Variants in USP43 observed in about 807,000 individuals in gnomAD.
USP43 encodes ubiquitin carboxyl-terminal hydrolase 43.
A neutral mutation model predicts 90.7 loss-of-function variants in USP43; 33 were observed. The ratio of observed to expected loss-of-function variants is 0.36; its 90% CI spans 0.28 to 0.49. The LOEUF (loss-of-function observed/expected upper bound fraction) is 0.49, where lower values mean the gene tolerates loss of function less well. Among genes scored for constraint, USP43 ranks in the 20% least tolerant of loss-of-function variants. The pLI is 0.98. For synonymous variants in USP43, 598 were observed against 615.8 expected (o/e 0.97, Z 0.43); for missense variants, 1,274 against 1,476.4 (o/e 0.86, Z 2.25).
chr17:9,710,087 C>A lies in USP43; in HGVS notation c.2143C>A (p.Pro715Thr). ...CTATCAGAAGCGGAACAGCATCCCT[C>A]CCTGGTCAGCCAGCAGCTCCATGAG... ...LFYQKRNSIP[P>T]WSASSSMRGS... The change falls in exon 13 of 15, where the codon CCC becomes ACC. Residue 715 changes from proline (P) to threonine (T), a missense_variant. By Grantham distance (38) the Pro-to-Thr change is conservative. This residue lies in a region of USP43 where 285 missense variants were observed against 349.6 expected (regional missense o/e 0.82). Coordinates refer to ENST00000285199, the MANE Select transcript of USP43 (RefSeq NM_153210.5). The A allele has an allele frequency of 1.3e-6, 2 of 1,532,090 alleles. No individual in the cohort carries two copies. Among genetic ancestry groups the A allele is most frequent in the East Asian group, 2.5e-5 (1 of 40,148 alleles). 94.9% of individuals were successfully genotyped at this position (1,532,090 alleles called of 1,614,324 possible). A position where few individuals can be genotyped will look rare whatever the true frequency, so the allele number is the denominator to read the frequency against.
At chr17:9,692,084 C>T (rs377169599) in intron 8 of USP43, among the ~76,000 whole-genome samples, 15 of 138,362 alleles carry the variant, frequency 1.1e-4, no homozygotes, top group Middle Eastern at 6.8e-3. Flanking sequence ...GTAGGCTGGA[C>T]GTGGTGGCTC....
chr17:9,646,826 A>G (rs938945912), intron 1 of USP43, among the ~76,000 whole-genome samples: 3 of 152,126 alleles, frequency 2.0e-5, no homozygotes, highest in South Asian at 2.1e-4. Flanking sequence ...TGAGCGTGCT[A>G]TTTTGGAGAT....
chr17:9,680,120 A>G, intron 5 of USP43, 111 bp from the exon 6 acceptor site: 2 of 1,227,538 alleles, frequency 1.6e-6, no homozygotes, highest in Non-Finnish European at 1.1e-6. Flanking sequence ...TAAGTAGCCA[A>G]TTGGAAGGAA....
intron 8 of USP43, among the ~76,000 whole-genome samples, chr17:9,687,957 T>A (rs1033224808): frequency 6.6e-6 from 1 of 152,208 alleles, no homozygotes; most frequent in Admixed American, 6.5e-5. Context: ...CTACTGATTA[T>A]CGCAATGGAT....
At chr17:9,710,287 G>C (rs67414899) in intron 13 of USP43, among the ~76,000 whole-genome samples, 173 bp downstream of exon 13, 21,004 of 152,052 alleles carry the variant, frequency 0.14, 1,511 homozygotes, top group African/African-American at 0.19. Flanking sequence ...CATTTACCAG[G>C]GTGTGGGATG....
chr17:9,700,894 T>C (rs889086336), intron 10 of USP43, among the ~76,000 whole-genome samples: 2 of 152,132 alleles, frequency 1.3e-5, no homozygotes, highest in East Asian at 3.8e-4. Context: ...CAAAGATGAA[T>C]AAGCCAAGGA....
rs763845413 is a variant in USP43 at position 9,676,782 on chromosome 17, C to G, written c.870C>G (p.Ser290Arg). Residue 290 changes from serine to arginine, a missense_variant, in exon 5 of 15, where the codon AGC becomes AGG. Physicochemically the swap from Ser to Arg is moderately radical, Grantham distance 110. Around this residue, in one of 6 missense-constraint regions of USP43, gnomAD observed 259 missense variants for 373.7 expected, o/e 0.69. Coordinates refer to ENST00000285199, the MANE Select transcript of USP43 (RefSeq NM_153210.5). ...TCACCTTGGTCTTCCCCTCTAAGAG[C>G]CAGCGGTTCCTGCGGGTTGGCCTGG... ...LSVTLVFPSK[S>R]QRFLRVGLAV... is the part of the protein sequence containing the mutation. The G allele has an allele frequency of 1.2e-6, 2 of 1,613,948 alleles. No individual in the cohort carries two copies. The highest frequency in any genetic ancestry group is 1.7e-5 in the Admixed American group (1 of 60,012).
Position 9,712,041 on chromosome 17 carries a change from C to G in USP43, c.2244C>G (p.Ser748Arg), listed in dbSNP as rs377597623. ...LGSHAGSTRG[S>R]LLSWSSAPCP... is the part of the protein sequence containing the mutation. ...GCCACGCTGGCAGCACAAGGGGAAG[C>G]CTGCTGTCCTGGAGCTCTGCCCCCT... is the stretch of plus-strand genomic sequence containing the variant. The change falls in exon 14 of 15, where the codon AGC (serine) becomes AGG (arginine). Residue 748 changes from serine (S) to arginine (R), a missense_variant. Coordinates refer to ENST00000285199, the MANE Select transcript of USP43 (RefSeq NM_153210.5). 1.9e-6 allele frequency: 3 copies of G among 1,612,650 alleles called. No homozygotes were observed. The highest frequency in any genetic ancestry group is 2.7e-5 in the African/African-American group (2 of 75,006).
At chr17:9,689,490 C>T (rs1417342819) in intron 8 of USP43, among the ~76,000 whole-genome samples, 1 of 151,918 alleles carries the variant, frequency 6.6e-6, no homozygotes, top group African/African-American at 2.4e-5. Flanking sequence ...TAGCTCACTG[C>T]AGCCTTGAAC....
rs1281697973 is a variant in USP43 at position 9,646,138 on chromosome 17, T to A, written c.504+2T>A. 1 of 1,429,260 alleles carries A rather than the reference T, an allele frequency of 7.0e-7. No individual in the cohort carries two copies. Among genetic ancestry groups the A allele is most frequent in the Admixed American group, 3.1e-5 (1 of 32,554 alleles). 88.5% of individuals were successfully genotyped at this position (1,429,260 alleles called of 1,614,324 possible). A position where few individuals can be genotyped will look rare whatever the true frequency, so the allele number is the denominator to read the frequency against. On this transcript the variant is annotated splice_donor_variant, in intron 1 of 14. Coordinates refer to ENST00000285199, the MANE Select transcript of USP43 (RefSeq NM_153210.5). LOFTEE classifies it high-confidence loss of function. ...CCCCAACTTTCCGCGGAGTTCAAGG[T>A]AGGCAGCGCTGCGCCGCCGACCGCC...
rs1915711990 is a variant in USP43 at position 9,703,758 on chromosome 17, A to G, written c.2011+2058A>G. ...GAAGACAATTTGCACTGCCAGTTAAATGGCAGAGTCTGGGCTTCAAACCTG... is the reference window on the plus strand; with the variant it reads ...GAAGACAATTTGCACTGCCAGTTAAGTGGCAGAGTCTGGGCTTCAAACCTG... On this transcript the variant is annotated intron_variant, in intron 12 of 14. Transcript: ENST00000285199. Among the ~76,000 whole-genome samples, 3 of 152,182 alleles carry G rather than the reference A, an allele frequency of 2.0e-5. No individual in the cohort carries two copies. In the South Asian group the frequency reaches 6.2e-4, roughly 32 times the overall value.
In USP43 at chr17:9,666,690, C is replaced by G. The variant is rs1450826326; in HGVS notation, c.679C>G (p.Pro227Ala). ...ATKTSENCLS[P>A]SAQLPLGQSF... ...TAAAACCTCTGAGAACTGCCTGTCA[C>G]CATCAGCTCAGCTTCCTCTAGGTCA... The change falls in exon 3 of 15, where the codon CCA becomes GCA. Residue 227 changes from proline (P) to alanine (A), a missense_variant. Around this residue, in one of 6 missense-constraint regions of USP43, gnomAD observed 259 missense variants for 373.7 expected, o/e 0.69. Coordinates refer to ENST00000285199, the MANE Select transcript of USP43 (RefSeq NM_153210.5). 1.2e-6 allele frequency: 2 copies of G among 1,613,520 alleles called. No homozygotes were observed. Among genetic ancestry groups the G allele is most frequent in the East Asian group, 4.5e-5 (2 of 44,870 alleles).
chr17:9,667,776 A>ATG (rs1754465060), intron 3 of USP43, among the ~76,000 whole-genome samples: 1 of 152,130 alleles, frequency 6.6e-6, no homozygotes, highest in South Asian at 2.1e-4. Context: ...GTGTGTGTAT[A>ATG]TGTGTGTGTG....
rs755930719 is a variant in USP43, at chr17:9,728,170, C to T, written c.2552C>T (p.Ser851Leu). The change falls in exon 15 of 15, where the codon TCG (serine) becomes TTG (leucine). Residue 851 changes from serine (S) to leucine (L), a missense_variant. This residue lies in a region of USP43 where 285 missense variants were observed against 349.6 expected (regional missense o/e 0.82). Coordinates refer to ENST00000285199, the MANE Select transcript of USP43 (RefSeq NM_153210.5). The surrounding 1 kb of genome is among the most constrained non-coding windows in gnomAD (Gnocchi z 6.2). ...CGGTCCACGAGCCAGTCCATTGTGT[C>T]GCTGTTGACGGGCACTGCGGGTGAG... ...RPRSTSQSIV[S>L]LLTGTAGEDE... is the part of the protein sequence containing the mutation. The T allele has an allele frequency of 6.8e-6, 11 of 1,613,928 alleles. No individual in the cohort carries two copies. Among genetic ancestry groups the T allele is most frequent in the African/African-American group, 1.3e-5 (1 of 75,016 alleles).
chr17:9,645,416 G>T, upstream of USP43: 1 of 298,900 alleles, frequency 3.3e-6, no homozygotes, highest in South Asian at 1.6e-4. The surrounding 1 kb of genome is among the most constrained non-coding windows in gnomAD (Gnocchi z 6.8). Flanking sequence ...GCAGGGGTAG[G>T]GGTGGCCCGG....
rs564165068 is a variant in USP43, at chr17:9,703,383, C to T, written c.2011+1683C>T. 8.5e-5 allele frequency among the ~76,000 whole-genome samples: 13 copies of T among 152,244 alleles called. No homozygotes were observed. The East Asian group carries it at 1.9e-3, about 23-fold the overall frequency. On this transcript the variant is annotated intron_variant, in intron 12 of 14. Transcript: ENST00000285199. ...AGCAGGGAGTTAGAAGTAGCATAGG[C>T]GTGAGAAGCGTTGGCATCTGCCTTA...
chr17:9,672,553 TG>T (rs1913508470), intron 3 of USP43, among the ~76,000 whole-genome samples: 2 of 152,222 alleles, frequency 1.3e-5, no homozygotes, highest in African/African-American at 4.8e-5. Context: ...AATTTCCCAA[TG>T]ACCCAAGTAT....
chr17:9,681,199 C>CATTA lies in USP43; in HGVS notation c.1105+833_1105+834insATTA, dbSNP rs1439107244. Among the ~76,000 whole-genome samples, 46 of 53,264 alleles carry CATTA rather than the reference C, an allele frequency of 8.6e-4. 7 individuals carry two copies. Among genetic ancestry groups the CATTA allele is most frequent in the East Asian group, 3.8e-3 (2 of 524 alleles). 34.9% of individuals were successfully genotyped at this position (53,264 alleles called of 152,430 possible). The stretch of plus-strand genomic sequence containing the variant: ...TATATAATATACTATATAATATATA[C>CATTA]TATATAATATATACATTATATAGAA... On this transcript the variant is annotated intron_variant, in intron 6 of 14. Coordinates refer to ENST00000285199, the MANE Select transcript of USP43 (RefSeq NM_153210.5).
rs1192219290 is a variant in USP43 at position 9,701,086 on chromosome 17, G to A, written c.1536-33G>A. On this transcript the variant is annotated intron_variant, in intron 10 of 14. Transcript: ENST00000285199. This position sits in a 1 kb window ranked among gnomAD's most constrained non-coding sequence, Gnocchi z 7.2. ...ACGAAACCTGTCTGGGAGCAGGAAA[G>A]TCCTGAACGCCGTGGGTGTCCTCTC... The A allele has an allele frequency of 1.4e-6, 2 of 1,447,268 alleles. No homozygotes were observed. The highest frequency in any genetic ancestry group is 1.4e-5 in the African/African-American group (1 of 69,746). 89.7% of individuals were successfully genotyped at this position (1,447,268 alleles called of 1,614,324 possible).
Sources: allele counts gnomAD v4.1 joint callset (sites outside exome capture counted in the v4.1 genomes callset), GRCh38; gene constraint gnomAD v4.1.1; regional missense constraint gnomAD v4.1.1; non-coding constraint Gnocchi (gnomAD v3.1); transcripts MANE v1.5; gene names NCBI Gene and HGNC (gene_info 2026-07-23, HGNC 2026-07-21).